CELF2: variants seen among roughly 807,000 people sequenced by gnomAD.
CELF2 encodes the protein CUGBP Elav-like family member 2.
CELF2 carries 8 observed loss-of-function variants against 62.6 expected under a neutral mutation model. The observed-to-expected ratio is 0.13, with a 90% CI of 0.07 to 0.23. The LOEUF (loss-of-function observed/expected upper bound fraction) is 0.23. CELF2 is among the 10% of genes least tolerant of loss of function. The pLI is 1.00. For missense variants in CELF2, 333 were observed against 671.0 expected (o/e 0.50, Z 5.56); for synonymous variants, 258 against 250.0 (o/e 1.03, Z -0.30).
chr10:10,771,537 A>G, the CELF2 span, among the ~76,000 whole-genome samples: 1 of 152,132 alleles, frequency 6.6e-6, no homozygotes, highest in African/African-American at 2.4e-5. Flanking sequence ...ATTCCTATGT[A>G]TTGTGGGAGG....
chr10:10,950,474 C>T (rs751261893), intron 2 of CELF2, among the ~76,000 whole-genome samples: 4 of 152,088 alleles, frequency 2.6e-5, no homozygotes, highest in Admixed American at 6.5e-5. Flanking sequence ...GAAGTGATAC[C>T]GTTCTTAATG....
In CELF2 at chr10:11,300,689, G is replaced by A. The variant is rs922823330; in HGVS notation, c.976+12137G>A. On this transcript the variant is annotated intron_variant, in intron 9 of 12. Transcript: ENST00000633077. This position sits in a 1 kb window ranked among gnomAD's most constrained non-coding sequence, Gnocchi z 5.5. ...TGATTGGCTAGTAATGCTAGTGCCTGTGTCATGGCTTAATTATCCTACTTC... is the reference window on the plus strand; with the variant it reads ...TGATTGGCTAGTAATGCTAGTGCCTATGTCATGGCTTAATTATCCTACTTC... Among the ~76,000 whole-genome samples the A allele has an allele frequency of 2.6e-5, 4 of 152,216 alleles. No homozygotes were observed. The highest frequency in any genetic ancestry group is 4.4e-5 in the Non-Finnish European group (3 of 68,042).
Position 11,230,386 on chromosome 10 carries a change from G to A in CELF2, c.354+12879G>A, listed in dbSNP as rs534911612. Among the ~76,000 whole-genome samples, 6 of 152,254 alleles carry A rather than the reference G, an allele frequency of 3.9e-5. No individual in the cohort carries two copies. In the South Asian group the frequency reaches 8.3e-4, roughly 21 times the overall value. ...CTGTTCTGTAGAACCGGTCCTCTCC[G>A]ATGCTCTTTCCCTGGGAGTCCCTCA... On this transcript the variant is annotated intron_variant, in intron 3 of 12. Transcript: ENST00000633077.
chr10:10,974,714 A>C (rs1018546237), intron 2 of CELF2, among the ~76,000 whole-genome samples: 2 of 152,118 alleles, frequency 1.3e-5, no homozygotes, highest in African/African-American at 4.8e-5. Flanking sequence ...CTGTATTGCT[A>C]TTTTTCCCAG....
At chr10:10,598,719 G>C in the CELF2 span, among the ~76,000 whole-genome samples, 2 of 144,072 alleles carry the variant, frequency 1.4e-5, no homozygotes, top group Admixed American at 1.4e-4. Flanking sequence ...AAAAATCAAG[G>C]GCTGATTTTC....
At chr10:10,956,671 TA>T (rs1371809876) in intron 2 of CELF2, among the ~76,000 whole-genome samples, 1 of 152,142 alleles carries the variant, frequency 6.6e-6, no homozygotes, top group Non-Finnish European at 1.5e-5. Flanking sequence ...TTCAAGCTTG[TA>T]ATCCCAGTGC....
chr10:10,545,731 A>G, the CELF2 span, among the ~76,000 whole-genome samples: 15 of 152,336 alleles, frequency 9.8e-5, no homozygotes, highest in Middle Eastern at 3.4e-3. Context: ...GTTAAGAAAG[A>G]GTTAACCTTC....
At chr10:10,601,590 G>A in the CELF2 span, among the ~76,000 whole-genome samples, 1 of 152,022 alleles carries the variant, frequency 6.6e-6, no homozygotes, top group African/African-American at 2.4e-5. Flanking sequence ...CTTTTAAATG[G>A]CTAATTGACT....
the CELF2 span, among the ~76,000 whole-genome samples, chr10:10,518,955 G>T: frequency 6.6e-6 from 1 of 152,124 alleles, no homozygotes; most frequent in South Asian, 2.1e-4. Flanking sequence ...AGACCAAAAA[G>T]AATCAGGAAG....
chr10:11,201,667 C>T (rs2059243503), intron 2 of CELF2, among the ~76,000 whole-genome samples: 1 of 152,154 alleles, frequency 6.6e-6, no homozygotes, highest in Non-Finnish European at 1.5e-5. Flanking sequence ...GTAGTCCCTG[C>T]AACAGCTGTC....
In CELF2 at chr10:11,207,775, A is replaced by G. The variant is rs1372500520; in HGVS notation, c.272-9650A>G. Among the ~76,000 whole-genome samples, 1 of 152,210 alleles carries G rather than the reference A, an allele frequency of 6.6e-6. No homozygotes were observed. Among genetic ancestry groups the G allele is most frequent in the Non-Finnish European group, 1.5e-5 (1 of 68,032 alleles). On this transcript the variant is annotated intron_variant, in intron 2 of 12. Coordinates refer to ENST00000633077, the MANE Select transcript of CELF2 (RefSeq NM_001326342.2). This position sits in a 1 kb window ranked among gnomAD's most constrained non-coding sequence, Gnocchi z 4.1. ...CTGACATCAGGGTGCCAATTATATC[A>G]AACTCTATAAAACTAAGCTAATTGG...
intron 1 of CELF2, among the ~76,000 whole-genome samples, chr10:11,155,232 G>A (rs1381638106): frequency 6.6e-6 from 1 of 152,202 alleles, no homozygotes; most frequent in Non-Finnish European, 1.5e-5. Context: ...CCCCTTGGAT[G>A]AGACAAGCTT....
Position 11,319,221 on chromosome 10 carries a change from T to C in CELF2, c.1097-1968T>C, listed in dbSNP as rs1190480768. 1 of 405,236 alleles carries C rather than the reference T, an allele frequency of 2.5e-6. No individual in the cohort carries two copies. Among genetic ancestry groups the C allele is most frequent in the East Asian group, 7.2e-5 (1 of 13,868 alleles). The allele number at this position is 405,236 out of a possible 1,614,324, so 25.1% of individuals were successfully genotyped here. ...GCACCCGTTAACAGCCTGGCCAAAG[T>C]GAGACCAACAGAATTTATCAGCAGC... On this transcript the variant is annotated intron_variant, in intron 10 of 12. Transcript: ENST00000633077. The surrounding 1 kb of genome is among the most constrained non-coding windows in gnomAD (Gnocchi z 4.4).
At chr10:11,222,208 A>G (rs2136076594) in intron 3 of CELF2, among the ~76,000 whole-genome samples, 1 of 152,328 alleles carries the variant, frequency 6.6e-6, no homozygotes, top group East Asian at 1.9e-4. Context: ...TCATTTGCCC[A>G]TTTTAATGCA....
At chr10:10,796,920 T>TA, upstream of CELF2, 1 of 983,844 alleles carries the variant, frequency 1.0e-6, no homozygotes, top group Non-Finnish European at 1.2e-6. Context: ...AATTCTCTTT[T>TA]AATTTTAGTC....
intron 5 of CELF2, among the ~76,000 whole-genome samples, chr10:11,263,650 A>ATGG (rs2081361200): frequency 6.6e-6 from 1 of 152,234 alleles, no homozygotes; most frequent in African/African-American, 2.4e-5. Context: ...TTTCTGTCCA[A>ATGG]TGGAAAGCCT....
At chr10:10,628,545 G>T in the CELF2 span, among the ~76,000 whole-genome samples, 2 of 152,180 alleles carry the variant, frequency 1.3e-5, no homozygotes, top group Non-Finnish European at 2.9e-5. Context: ...GGGGTCAAAA[G>T]TGGCTGCAAG....
intron 1 of CELF2, among the ~76,000 whole-genome samples, chr10:11,160,833 C>T (rs1040620742): frequency 6.6e-6 from 1 of 152,064 alleles, no homozygotes; most frequent in Non-Finnish European, 1.5e-5. Flanking sequence ...AGCCATTTGG[C>T]AATTCTTATA....
intron 1 of CELF2, among the ~76,000 whole-genome samples, chr10:11,128,501 A>C (rs567016768): frequency 1.3e-5 from 2 of 152,094 alleles, no homozygotes; most frequent in African/African-American, 4.8e-5. Context: ...GATTCTTCCT[A>C]TCCATGAGCA....
Sources: gnomAD v4.1 joint callset for allele counts (sites outside exome capture counted in the v4.1 genomes callset) on GRCh38, gnomAD v4.1.1 for gene constraint, Gnocchi (gnomAD v3.1) non-coding constraint, MANE v1.5 for transcripts, NCBI Gene and HGNC (gene_info 2026-07-23, HGNC 2026-07-21) for gene names.